FGF1: variants seen among roughly 807,000 people sequenced by gnomAD.
FGF1 encodes the protein beta-endothelial cell growth factor.
Under a neutral mutation model 13.4 loss-of-function variants are expected in FGF1, and 9 were observed. That is an observed-to-expected ratio of 0.67 (90% confidence interval 0.40 to 1.17). The LOEUF (loss-of-function observed/expected upper bound fraction) is 1.17. FGF1 is among the 50% of genes most tolerant of loss of function. The probability of loss-of-function intolerance (pLI) is 0.01; values close to 1 mark genes in which losing one functional copy is unlikely to be tolerated. For missense variants in FGF1, 156 were observed against 192.7 expected (o/e 0.81, Z 1.13); for synonymous variants, 93 against 79.0 (o/e 1.18, Z -0.94).
intron 1 of FGF1, among the ~76,000 whole-genome samples, chr5:142,649,225 T>C (rs1390824954): frequency 6.6e-6 from 1 of 152,228 alleles, no homozygotes; most frequent in East Asian, 1.9e-4. Flanking sequence ...GAATTGTGTG[T>C]GTGTGACACA....
chr5:142,621,703 G>A (rs1480284425), intron 1 of FGF1, among the ~76,000 whole-genome samples: 1 of 152,022 alleles, frequency 6.6e-6, no homozygotes, highest in Non-Finnish European at 1.5e-5. Flanking sequence ...CAAAAGCCTT[G>A]CTGTGGCCTG....
At chr5:142,658,071 C>T (rs975059855) in intron 1 of FGF1, among the ~76,000 whole-genome samples, 5 of 152,218 alleles carry the variant, frequency 3.3e-5, no homozygotes, top group South Asian at 4.1e-4. Flanking sequence ...TAACAGCCCA[C>T]GGTGGACGTC....
intron 1 of FGF1, among the ~76,000 whole-genome samples, chr5:142,620,453 A>G (rs1372665320): frequency 6.6e-6 from 1 of 152,192 alleles, no homozygotes; most frequent in Non-Finnish European, 1.5e-5. Context: ...GGCTATATTA[A>G]TATCAGATAA....
chr5:142,631,878 G>A (rs112709124), intron 1 of FGF1, among the ~76,000 whole-genome samples: 153 of 150,214 alleles, frequency 1.0e-3, no homozygotes, highest in African/African-American at 3.6e-3. Context: ...CCGCCTCCTG[G>A]GTTCAAGCGA....
rs373862153 is a variant in FGF1 at position 142,622,084 on chromosome 5, A to G, written c.-34-7923T>C. 1.6e-4 allele frequency among the ~76,000 whole-genome samples: 24 copies of G among 152,374 alleles called. No homozygotes were observed. The South Asian group carries it at 5.0e-3, about 32-fold the overall frequency. On this transcript the variant is annotated intron_variant, in intron 1 of 3. Transcript: ENST00000337706. ...TTTTCATGACTGGACTGTCAGCTCC[A>G]TGATAGTACAAACCAATTGGTCTTG...
At chr5:142,621,354 T>TTC (rs10674553) in intron 1 of FGF1, 48,234 of 151,434 alleles carry the variant, frequency 0.32, 8,596 homozygotes, top group African/African-American at 0.47. Context: ...CTCTCTCTTT[T>TTC]TCTCTTTCTC....
intron 1 of FGF1, among the ~76,000 whole-genome samples, chr5:142,627,783 C>A (rs1183930329): frequency 2.6e-5 from 4 of 152,240 alleles, no homozygotes; most frequent in Non-Finnish European, 5.9e-5. Flanking sequence ...AGAGCCTACA[C>A]TAGGACAATG....
At chr5:142,608,564 A>ACACATC (rs1236505298) in intron 2 of FGF1, among the ~76,000 whole-genome samples, 1 of 102,418 alleles carries the variant, frequency 9.8e-6, no homozygotes, top group African/African-American at 4.6e-5. Context: ...ATATATATAT[A>ACACATC]TATATATATA....
intron 1 of FGF1, among the ~76,000 whole-genome samples, chr5:142,644,914 C>T (rs1054864882): frequency 6.6e-6 from 1 of 152,212 alleles, no homozygotes. Flanking sequence ...CTTGGAGAAC[C>T]AGTTAACTCG....
rs185616038 is a variant in FGF1, at chr5:142,656,346, A to T, written c.-35+29611T>A. 7.9e-4 allele frequency among the ~76,000 whole-genome samples: 94 copies of T among 118,586 alleles called. 1 individual carries two copies. The highest frequency in any genetic ancestry group is 5.9e-3 in the South Asian group (26 of 4,396). The allele number at this position is 118,586 out of a possible 152,430, so 77.8% of individuals were successfully genotyped here. A position where few individuals can be genotyped will look rare whatever the true frequency, so the allele number is the denominator to read the frequency against. On this transcript the variant is annotated intron_variant, in intron 1 of 3. Transcript: ENST00000337706. ...TATAGTAACCCACAATATCTTGATT[A>T]AAAAAAAAGCTGTTATTCAGTTGGG...
chr5:142,620,005 TG>T (rs1168702823), intron 1 of FGF1, among the ~76,000 whole-genome samples: 6 of 151,542 alleles, frequency 4.0e-5, no homozygotes, highest in African/African-American at 1.2e-4. Context: ...TACTAGCTAC[TG>T]TTTTTTTTTT....
At chr5:142,642,944 T>C (rs905677368) in intron 1 of FGF1, among the ~76,000 whole-genome samples, 2 of 152,202 alleles carry the variant, frequency 1.3e-5, no homozygotes, top group Admixed American at 6.5e-5. Context: ...TCTCTCCTAA[T>C]AAATATATGG....
upstream of FGF1, among the ~76,000 whole-genome samples, chr5:142,688,297 C>G (rs991744538): frequency 6.6e-6 from 1 of 152,100 alleles, no homozygotes; most frequent in Admixed American, 6.5e-5. Context: ...CCTTCAATTT[C>G]TACATTTATT....
intron 1 of FGF1, among the ~76,000 whole-genome samples, chr5:142,650,189 G>C (rs1407451567): frequency 1.3e-5 from 2 of 152,162 alleles, no homozygotes; most frequent in Admixed American, 6.5e-5. Context: ...GGGCGTGCAG[G>C]GGGAGGGATG....
At chr5:142,608,053 T>C (rs1349189045) in intron 2 of FGF1, among the ~76,000 whole-genome samples, 1 of 152,202 alleles carries the variant, frequency 6.6e-6, no homozygotes, top group Non-Finnish European at 1.5e-5. Flanking sequence ...AGGGTTATGA[T>C]CCTGCCAGTG....
At chr5:142,679,304 C>A (rs573133666) in intron 1 of FGF1, among the ~76,000 whole-genome samples, 1 of 152,274 alleles carries the variant, frequency 6.6e-6, no homozygotes, top group South Asian at 2.1e-4. Context: ...CTCCCTGCCA[C>A]CTGAAATATT....
chr5:142,600,121 G>C (rs1190461401), intron 3 of FGF1, among the ~76,000 whole-genome samples: 1 of 152,230 alleles, frequency 6.6e-6, no homozygotes, highest in African/African-American at 2.4e-5. Flanking sequence ...TATAATCCCA[G>C]CACTTTGGAA....
intron 1 of FGF1, among the ~76,000 whole-genome samples, chr5:142,616,440 C>T (rs1597137831): frequency 6.6e-6 from 1 of 152,156 alleles, no homozygotes; most frequent in African/African-American, 2.4e-5. Context: ...TCGATTAATT[C>T]TTTTCACATA....
rs1754470248 is a variant in FGF1 at position 142,592,576 on chromosome 5, G to A, written c.*2714C>T. On this transcript the variant is annotated 3_prime_UTR_variant, in exon 4 of 4. Transcript: ENST00000337706. ...ATATGAGAGTCACGTGACAGGAGCT[G>A]GCTATGAGACTTACTTAAGACAGCA... 2.5e-6 allele frequency: 1 copy of A among 396,726 alleles called. No individual in the cohort carries two copies. The highest frequency in any genetic ancestry group is 1.4e-4 in the South Asian group (1 of 7,172). The allele number at this position is 396,726 out of a possible 1,614,324, so 24.6% of individuals were successfully genotyped here.
Sources: allele counts gnomAD v4.1 joint callset (sites outside exome capture counted in the v4.1 genomes callset), GRCh38; gene constraint gnomAD v4.1.1; transcripts MANE v1.5; gene names NCBI Gene and HGNC (gene_info 2026-07-23, HGNC 2026-07-21).